Variants in BPIFB1 observed in about 807,000 individuals in gnomAD.
BPIFB1 encodes the protein BPI fold-containing family B member 1.
Under a neutral mutation model 55.1 loss-of-function variants are expected in BPIFB1, and 34 were observed. That is an observed-to-expected ratio of 0.62 (90% CI 0.47 to 0.82). The LOEUF (loss-of-function observed/expected upper bound fraction) is 0.82, where lower values mean the gene tolerates loss of function less well. Among genes scored for constraint, BPIFB1 ranks in the 40% least tolerant of loss-of-function variants. The pLI, the probability that BPIFB1 is intolerant of heterozygous loss-of-function variation, is 0.00. For missense variants in BPIFB1, 532 were observed against 593.1 expected (o/e 0.90, Z 1.07); for synonymous variants, 236 against 245.3 (o/e 0.96, Z 0.35).
chr20:33,291,539 C>A (rs1175320097), intron 5 of BPIFB1, among the ~76,000 whole-genome samples: 2 of 152,216 alleles, frequency 1.3e-5, no homozygotes, highest in Admixed American at 6.5e-5. Context: ...ACCTTCCAGG[C>A]AGTGGTGAGA....
chr20:33,303,207 T>G, intron 11 of BPIFB1, 133 bp downstream of exon 11: 1 of 1,137,736 alleles, frequency 8.8e-7, no homozygotes, highest in Non-Finnish European at 1.2e-6. Context: ...CAGGGAGCTC[T>G]GAACCAAGAG....
At chr20:33,286,929 G>T (rs1185942571) in intron 2 of BPIFB1, among the ~76,000 whole-genome samples, 1 of 152,210 alleles carries the variant, frequency 6.6e-6, no homozygotes, top group East Asian at 1.9e-4. Context: ...CCTTAGAGGG[G>T]ACTCACCTGT....
At chr20:33,284,701 G>C (rs1160647905) in intron 1 of BPIFB1, among the ~76,000 whole-genome samples, 1 of 152,172 alleles carries the variant, frequency 6.6e-6, no homozygotes. Flanking sequence ...ACAGTCCACA[G>C]GGGCAGGAGC....
Position 33,292,001 on chromosome 20 carries a change from A to G in BPIFB1, c.597+13A>G, listed in dbSNP as rs375439993. The G allele has an allele frequency of 3.7e-6, 6 of 1,613,434 alleles. No individual in the cohort carries two copies. Among genetic ancestry groups the G allele is most frequent in the Middle Eastern group, 1.6e-4 (1 of 6,062 alleles). On this transcript the variant is annotated intron_variant, in intron 6 of 15. Transcript: ENST00000253354. The stretch of plus-strand genomic sequence containing the variant: ...AGTGAAAAACCAGGTGAGTGGAATC[A>G]GGGCCTCTCTGGCCTGTGGGCATTG...
Position 33,303,960 on chromosome 20 carries a change from A to G in BPIFB1, c.1143A>G (p.Glu381=). ...GGCCTGGGCTTCTCTTGTTGCAGGA[A>G]GCCAGCTCGGAAGCTCAGTTTTACA... ...ALRPLFTLGI[E]ASSEAQFYTK... The change falls in exon 12 of 16, where the codon GAA becomes GAG. Residue 381 remains glutamate (E), a splice_region_variant and synonymous_variant. Coordinates refer to ENST00000253354, the MANE Select transcript of BPIFB1 (RefSeq NM_033197.3). 6.2e-7 allele frequency: 1 copy of G among 1,614,012 alleles called. No individual in the cohort carries two copies. The highest frequency in any genetic ancestry group is 8.5e-7 in the Non-Finnish European group (1 of 1,179,970).
chr20:33,305,951 G>A, intron 13 of BPIFB1, 51 bp from the exon 14 acceptor site: 1 of 1,594,870 alleles, frequency 6.3e-7, no homozygotes, highest in Non-Finnish European at 8.6e-7. Context: ...ATGATGGGGG[G>A]GAACTTCAGA....
At chr20:33,304,748 C>T in intron 12 of BPIFB1, 98 bp from the exon 13 acceptor site, 1 of 1,474,252 alleles carries the variant, frequency 6.8e-7, no homozygotes. Context: ...CGCACTGTGC[C>T]TGGCACATAA....
intron 4 of BPIFB1, 59 bp downstream of exon 4, chr20:33,290,051 T>TC (rs1980411491): frequency 1.5e-6 from 2 of 1,307,138 alleles, no homozygotes; most frequent in Admixed American, 1.7e-5. Context: ...TCGTTCCCCC[T>TC]CCCCCGCCCC....
At chr20:33,289,774 G>A in intron 3 of BPIFB1, 111 bp from the exon 4 acceptor site, 1 of 936,324 alleles carries the variant, frequency 1.1e-6, no homozygotes, top group South Asian at 1.4e-5. Context: ...GGCAGGGCCA[G>A]GGTCCCGCTG....
chr20:33,301,674 G>A (rs1174825903), intron 9 of BPIFB1, among the ~76,000 whole-genome samples: 2 of 152,158 alleles, frequency 1.3e-5, no homozygotes, highest in East Asian at 3.8e-4. Context: ...GAAATCAAAA[G>A]GCATCTTAGA....
In BPIFB1 at chr20:33,305,197, C is replaced by T. The variant is rs557090578; in HGVS notation, c.1254+306C>T. The stretch of plus-strand genomic sequence containing the variant: ...TTGACTCACAATCTCATTCTGCACA[C>T]GTAGACGCGCCTCAGTGCCCCTAGA... On this transcript the variant is annotated intron_variant, in intron 13 of 15. Coordinates refer to ENST00000253354, the MANE Select transcript of BPIFB1 (RefSeq NM_033197.3). Among the ~76,000 whole-genome samples, 8 of 152,218 alleles carry T rather than the reference C, an allele frequency of 5.3e-5. No homozygotes were observed. The East Asian group carries it at 5.8e-4, about 11-fold the overall frequency.
chr20:33,290,282 C>G (rs1051067978), intron 4 of BPIFB1, among the ~76,000 whole-genome samples: 1 of 152,062 alleles, frequency 6.6e-6, no homozygotes, highest in African/African-American at 2.4e-5. Flanking sequence ...AGGACGGGAG[C>G]CAGGGAGGAT....
chr20:33,302,264 G>A, intron 9 of BPIFB1, 95 bp from the exon 10 acceptor site: 2 of 1,340,022 alleles, frequency 1.5e-6, no homozygotes, highest in Middle Eastern at 1.9e-4. Flanking sequence ...CAGCTTTTCT[G>A]GGGTCCTGGG....
At chr20:33,298,731 C>CT (rs999870827) in intron 7 of BPIFB1, 1 of 155,174 alleles carries the variant, frequency 6.4e-6, no homozygotes, top group Non-Finnish European at 1.4e-5. Context: ...TGAGCCGTTA[C>CT]TAGGTGCCAG....
Position 33,305,014 on chromosome 20 carries a change from G to C in BPIFB1, c.1254+123G>C. ...CCCACAGAAGCACCATGGGGGGCTG[G>C]CCGGTCTCCACCAAAGTCCAACTTC... On this transcript the variant is annotated intron_variant, in intron 13 of 15. Coordinates refer to ENST00000253354, the MANE Select transcript of BPIFB1 (RefSeq NM_033197.3). The C allele has an allele frequency of 8.0e-6, 9 of 1,120,464 alleles. No homozygotes were observed. The Admixed American group carries it at 1.7e-4, about 22-fold the overall frequency. The allele number at this position is 1,120,464 out of a possible 1,614,324, so 69.4% of individuals were successfully genotyped here.
At position 33,306,993 on chromosome 20, in the gene BPIFB1, T is replaced by C. The variant is rs769867034; in HGVS notation, c.1395+6T>C. 4 of 1,613,028 alleles carry C rather than the reference T, an allele frequency of 2.5e-6. No homozygotes were observed. Among genetic ancestry groups the C allele is most frequent in the East Asian group, 4.5e-5 (2 of 44,874 alleles). ...CTGAGTCCTCACTGACCAAGGTGAG[T>C]GGGTGTGGCCCTAAACATCCTGCCC... On this transcript the variant is annotated splice_donor_region_variant and intron_variant, in intron 15 of 15. Coordinates refer to ENST00000253354, the MANE Select transcript of BPIFB1 (RefSeq NM_033197.3).
In BPIFB1 at chr20:33,291,071, C is replaced by T; in HGVS notation, c.480C>T (p.Thr160=). The change falls in exon 5 of 16, where the codon ACC becomes ACT. Residue 160 remains threonine, a synonymous_variant. Transcript: ENST00000253354. ...PTRLVLSDCA[T]SHGSLRIQLL... ...GCCTGGTCCTCAGTGACTGTGCCAC[C>T]AGCCATGGGAGCCTGCGCATCCAAC... 6.2e-7 allele frequency: 1 copy of T among 1,613,118 alleles called. No homozygotes were observed. The highest frequency in any genetic ancestry group is 8.5e-7 in the Non-Finnish European group (1 of 1,180,018).
chr20:33,308,711 C>A (rs1259517118), intron 15 of BPIFB1, among the ~76,000 whole-genome samples: 1 of 148,184 alleles, frequency 6.7e-6, no homozygotes, highest in Admixed American at 6.7e-5. Flanking sequence ...CACCTTTATA[C>A]ACCTATACAT....
At chr20:33,307,578 G>A (rs767461923) in intron 15 of BPIFB1, 23 of 155,152 alleles carry the variant, frequency 1.5e-4, no homozygotes, top group Middle Eastern at 3.0e-3. Context: ...GAAGTGTCCC[G>A]TCAGAGGGAC....
Sources: gnomAD v4.1 joint callset for allele counts (sites outside exome capture counted in the v4.1 genomes callset) on GRCh38, gnomAD v4.1.1 for gene constraint, MANE v1.5 for transcripts, NCBI Gene and HGNC (gene_info 2026-07-23, HGNC 2026-07-21) for gene names.